PIBF1: variants seen among roughly 807,000 people sequenced by gnomAD.
PIBF1 encodes the protein progesterone-induced-blocking factor 1.
Under a neutral mutation model 112.5 loss-of-function variants are expected in PIBF1, and 90 were observed. The ratio of observed to expected loss-of-function variants is 0.80; its 90% CI spans 0.67 to 0.95. The LOEUF (loss-of-function observed/expected upper bound fraction) is 0.95. Ranked by LOEUF, PIBF1 falls within the 40% of genes least tolerant of loss-of-function variation. The pLI, the probability that PIBF1 is intolerant of heterozygous loss-of-function variation, is 0.00. For synonymous variants in PIBF1, 301 were observed against 288.6 expected (o/e 1.04, Z -0.44); for missense variants, 915 against 852.3 (o/e 1.07, Z -0.92).
intron 10 of PIBF1, among the ~76,000 whole-genome samples, chr13:72,856,996 T>C (rs992517387): frequency 6.6e-6 from 1 of 152,202 alleles, no homozygotes; most frequent in Non-Finnish European, 1.5e-5. Context: ...GTAGTGTACA[T>C]AGAGAACTAA....
At chr13:72,924,993 A>C (rs1028984976) in intron 13 of PIBF1, among the ~76,000 whole-genome samples, 10 of 152,320 alleles carry the variant, frequency 6.6e-5, no homozygotes, top group East Asian at 3.9e-4. Flanking sequence ...CTGGAGGACC[A>C]AGAAAAGGCA....
chr13:73,003,959 C>T (rs1031510836), intron 17 of PIBF1, among the ~76,000 whole-genome samples: 2 of 152,116 alleles, frequency 1.3e-5, no homozygotes, highest in Admixed American at 1.3e-4. Flanking sequence ...AATCCTCCCA[C>T]CATGGCTATA....
chr13:72,867,466 C>G (rs569756379), intron 10 of PIBF1, among the ~76,000 whole-genome samples: 1 of 152,244 alleles, frequency 6.6e-6, no homozygotes, highest in East Asian at 1.9e-4. Context: ...TTACCATCAT[C>G]TAGTTAGTTG....
At chr13:72,997,942 A>G (rs3938608) in intron 16 of PIBF1, among the ~76,000 whole-genome samples, 34,184 of 152,108 alleles carry the variant, frequency 0.22, 3,937 homozygotes, top group African/African-American at 0.26. Context: ...CTTGGGAGCA[A>G]GAACGGGTGA....
At chr13:73,008,824 C>T (rs565534279) in intron 17 of PIBF1, among the ~76,000 whole-genome samples, 1 of 152,262 alleles carries the variant, frequency 6.6e-6, no homozygotes, top group Admixed American at 6.5e-5. Context: ...ACATCGAACA[C>T]CTACTGCTGG....
rs17089777 is a variant in PIBF1, at chr13:72,817,855, A to G, written c.673-3994A>G. ...TGCTATTTTTCCTGTTTCCAATGCT[A>G]TGGCTTACTCTATTTTAATTGCTAA... is the stretch of plus-strand genomic sequence containing the variant. On this transcript the variant is annotated intron_variant, in intron 5 of 17. Transcript: ENST00000326291. Among the ~76,000 whole-genome samples, 1,326 of 152,280 alleles carry G rather than the reference A, an allele frequency of 8.7e-3. 12 individuals are homozygous for G. The highest frequency in any genetic ancestry group is 0.017 in the Middle Eastern group (5 of 294).
chr13:72,898,614 A>G (rs964860143), intron 11 of PIBF1, among the ~76,000 whole-genome samples: 1 of 151,628 alleles, frequency 6.6e-6, no homozygotes, highest in Non-Finnish European at 1.5e-5. Context: ...AGGTGGGCGG[A>G]TCACCTGAGG....
chr13:72,931,738 ATATATG>A (rs1354061405), intron 14 of PIBF1, among the ~76,000 whole-genome samples: 1 of 142,502 alleles, frequency 7.0e-6, no homozygotes, highest in African/African-American at 2.5e-5. Context: ...ATATATATAT[ATATATG>A]TATGCATTTT....
At chr13:72,857,207 ATTG>A (rs2038462226) in intron 10 of PIBF1, among the ~76,000 whole-genome samples, 1 of 152,210 alleles carries the variant, frequency 6.6e-6, no homozygotes, top group South Asian at 2.1e-4. Context: ...GGAAAAGAAA[ATTG>A]AGATCCATAC....
At chr13:72,812,973 AAAG>A (rs2036090853) in intron 5 of PIBF1, among the ~76,000 whole-genome samples, 1 of 152,138 alleles carries the variant, frequency 6.6e-6, no homozygotes, top group Non-Finnish European at 1.5e-5. Flanking sequence ...AGAAAAAAGA[AAAG>A]AAAGAAATAG....
At chr13:72,923,278 TGTA>T (rs1248853644) in intron 13 of PIBF1, among the ~76,000 whole-genome samples, 2 of 152,204 alleles carry the variant, frequency 1.3e-5, no homozygotes, top group Admixed American at 1.3e-4. Flanking sequence ...GGAAATTGTA[TGTA>T]GTAATCAGAA....
At chr13:72,813,052 T>C (rs1392594063) in intron 5 of PIBF1, among the ~76,000 whole-genome samples, 1 of 152,196 alleles carries the variant, frequency 6.6e-6, no homozygotes, top group Non-Finnish European at 1.5e-5. Context: ...CATGCATCAC[T>C]GTATGAATAA....
At position 72,908,654 on chromosome 13, in the gene PIBF1, G is replaced by A. The variant is rs2040786926; in HGVS notation, c.1612G>A (p.Asp538Asn). 6.2e-7 allele frequency: 1 copy of A among 1,612,948 alleles called. No individual in the cohort carries two copies. Among genetic ancestry groups the A allele is most frequent in the South Asian group, 1.1e-5 (1 of 90,960 alleles). The change falls in exon 12 of 18, where the codon GAT (aspartate) becomes AAT (asparagine). Residue 538 changes from aspartate to asparagine, a missense_variant. Transcript: ENST00000326291. Reference protein sequence around the residue: ...DIYEKLEKELDEIIMQTAEIE... With the variant: ...DIYEKLEKELNEIIMQTAEIE... ...TTATGAGAAACTGGAAAAAGAGCTTGATGAAATAATAATGCAAACTGCAGA... is the reference window on the plus strand; with the variant it reads ...TTATGAGAAACTGGAAAAAGAGCTTAATGAAATAATAATGCAAACTGCAGA...
intron 9 of PIBF1, among the ~76,000 whole-genome samples, chr13:72,838,068 A>G (rs1461682026): frequency 6.6e-6 from 1 of 152,242 alleles, no homozygotes; most frequent in Non-Finnish European, 1.5e-5. Flanking sequence ...GAAGAGGTAT[A>G]CACCTATTAA....
chr13:72,904,070 G>C (rs896861455), intron 11 of PIBF1, among the ~76,000 whole-genome samples: 1 of 151,118 alleles, frequency 6.6e-6, no homozygotes, highest in Non-Finnish European at 1.5e-5. Context: ...TTTCCCAAAA[G>C]ATAATTATTT....
chr13:72,899,830 C>T (rs1225346655), intron 11 of PIBF1, among the ~76,000 whole-genome samples: 1 of 152,112 alleles, frequency 6.6e-6, no homozygotes, highest in Admixed American at 6.6e-5. Flanking sequence ...TGTTTGCTGA[C>T]CATATGATCG....
At chr13:73,000,263 C>G (rs1458103166) in intron 17 of PIBF1, among the ~76,000 whole-genome samples, 2 of 152,180 alleles carry the variant, frequency 1.3e-5, no homozygotes, top group Admixed American at 6.5e-5. Flanking sequence ...TTAACTTGCT[C>G]ACAGCCCTTT....
chr13:72,898,181 A>C (rs2040351096), intron 11 of PIBF1, among the ~76,000 whole-genome samples: 1 of 152,164 alleles, frequency 6.6e-6, no homozygotes. Context: ...ACACAAATAC[A>C]TGGAAGTTAA....
intron 10 of PIBF1, among the ~76,000 whole-genome samples, chr13:72,889,046 A>AG (rs1165278384): frequency 7.0e-6 from 1 of 141,912 alleles, no homozygotes; most frequent in East Asian, 2.0e-4. Flanking sequence ...CAAAAAATAC[A>AG]AAAAAAAAAG....
Sources: allele counts gnomAD v4.1 joint callset (sites outside exome capture counted in the v4.1 genomes callset), GRCh38; gene constraint gnomAD v4.1.1; transcripts MANE v1.5; gene names NCBI Gene and HGNC (gene_info 2026-07-23, HGNC 2026-07-21).